Variants in CSMD1 observed in about 807,000 individuals in gnomAD.
CSMD1 encodes CUB and sushi domain-containing protein 1.
Under a neutral mutation model 417.5 loss-of-function variants are expected in CSMD1, and 213 were observed. That is an observed-to-expected ratio of 0.51 (90% CI 0.46 to 0.57). CSMD1 has a LOEUF of 0.57. Ranked by LOEUF, CSMD1 falls within the 20% of genes least tolerant of loss-of-function variation. The pLI is 0.00. For synonymous variants in CSMD1, 2,862 were observed against 1,736.8 expected (o/e 1.65, Z -16.11); for missense variants, 6,923 against 4,529.7 (o/e 1.53, Z -15.17).
At chr8:3,343,884 T>C (rs1341721685) in intron 22 of CSMD1, among the ~76,000 whole-genome samples, 1 of 152,202 alleles carries the variant, frequency 6.6e-6, no homozygotes, top group African/African-American at 2.4e-5. Flanking sequence ...TTCCTTTCTA[T>C]TCCCTTCTGT....
chr8:3,107,696 A>G (rs746390835), intron 45 of CSMD1, 22 bp downstream of exon 45: 2 of 1,380,726 alleles, frequency 1.4e-6, no homozygotes, highest in Non-Finnish European at 2.0e-6. Context: ...AATTCATGGT[A>G]TTGTAATGAA....
At chr8:4,512,833 C>T (rs1802898148) in intron 2 of CSMD1, among the ~76,000 whole-genome samples, 1 of 150,172 alleles carries the variant, frequency 6.7e-6, no homozygotes, top group Non-Finnish European at 1.5e-5. Context: ...AAAAAAAAAC[C>T]TCAGTACTGT....
intron 1 of CSMD1, among the ~76,000 whole-genome samples, chr8:4,804,631 G>C (rs1436399288): frequency 2.6e-5 from 4 of 152,028 alleles, no homozygotes; most frequent in Non-Finnish European, 5.9e-5. Flanking sequence ...ATAAAAGGCA[G>C]AGAGAGATAA....
Position 3,637,082 on chromosome 8 carries a change from C to G in CSMD1, c.1010-20285G>C, listed in dbSNP as rs529344224. ...ATCAGGATCCTCATGCTTGAACTTC[C>G]CAGACTCCAAAACTATAGAAAATAA... On this transcript the variant is annotated intron_variant, in intron 7 of 69. Coordinates refer to ENST00000635120, the MANE Select transcript of CSMD1 (RefSeq NM_033225.6). Among the ~76,000 whole-genome samples, 4 of 152,254 alleles carry G rather than the reference C, an allele frequency of 2.6e-5. No homozygotes were observed. In the East Asian group the frequency reaches 7.7e-4, roughly 29 times the overall value.
rs556847103 is a variant in CSMD1, at chr8:3,063,461, T to C, written c.7475-10814A>G. Among the ~76,000 whole-genome samples the C allele has an allele frequency of 1.9e-3, 296 of 152,262 alleles. 1 individual carries two copies. The highest frequency in any genetic ancestry group is 3.5e-3 in the Admixed American group (54 of 15,296). On this transcript the variant is annotated intron_variant, in intron 49 of 69. Transcript: ENST00000635120. Reference sequence around the variant, plus strand: ...TGGTGGTTCCTCAAAAAATTAAAAATAGAATTACCATATGATGCAGAAATT... The same window carrying C: ...TGGTGGTTCCTCAAAAAATTAAAAACAGAATTACCATATGATGCAGAAATT...
chr8:3,577,856 T>C (rs777337122), intron 9 of CSMD1, among the ~76,000 whole-genome samples: 1 of 152,206 alleles, frequency 6.6e-6, no homozygotes, highest in African/African-American at 2.4e-5. Flanking sequence ...GGTTTTCTAC[T>C]AGTCAGAATC....
intron 1 of CSMD1, among the ~76,000 whole-genome samples, chr8:4,756,058 C>G (rs535973188): frequency 6.6e-6 from 1 of 152,192 alleles, no homozygotes; most frequent in Non-Finnish European, 1.5e-5. Context: ...AAATCTCCAA[C>G]CTTTTTAAAA....
At chr8:3,851,814 G>C (rs1803928532) in intron 5 of CSMD1, among the ~76,000 whole-genome samples, 1 of 152,174 alleles carries the variant, frequency 6.6e-6, no homozygotes, top group Non-Finnish European at 1.5e-5. Context: ...GTGGTTCTAA[G>C]GATGAGAGAC....
At chr8:3,955,937 G>C (rs1244976498) in intron 5 of CSMD1, among the ~76,000 whole-genome samples, 6 of 152,140 alleles carry the variant, frequency 3.9e-5, no homozygotes, top group Non-Finnish European at 8.8e-5. Flanking sequence ...GGGATTACAG[G>C]CGCCCAACAC....
intron 10 of CSMD1, among the ~76,000 whole-genome samples, chr8:3,569,148 T>C (rs1479463100): frequency 6.6e-6 from 1 of 152,182 alleles, no homozygotes; most frequent in Non-Finnish European, 1.5e-5. Flanking sequence ...GCCTCTCCAC[T>C]AAAGGAATCT....
intron 8 of CSMD1, among the ~76,000 whole-genome samples, chr8:3,605,749 A>C (rs1320215286): frequency 6.6e-6 from 1 of 152,228 alleles, no homozygotes; most frequent in Non-Finnish European, 1.5e-5. Flanking sequence ...TACCAAGGAC[A>C]TACATTAACT....
intron 39 of CSMD1, among the ~76,000 whole-genome samples, chr8:3,151,877 C>T (rs770568057): frequency 1.3e-5 from 2 of 152,200 alleles, no homozygotes; most frequent in Non-Finnish European, 2.9e-5. Flanking sequence ...TGATTGATTG[C>T]TAACTATGTG....
At chr8:4,063,292 G>GA (rs1799076552) in intron 3 of CSMD1, among the ~76,000 whole-genome samples, 1 of 151,138 alleles carries the variant, frequency 6.6e-6, no homozygotes, top group South Asian at 2.1e-4. Flanking sequence ...AACCAAAAAA[G>GA]AAAAATTAGT....
chr8:3,941,658 C>G (rs145646807), intron 5 of CSMD1, among the ~76,000 whole-genome samples: 7 of 152,220 alleles, frequency 4.6e-5, no homozygotes, highest in South Asian at 4.1e-4. Flanking sequence ...TTTTCAACTG[C>G]AAGCCCACGC....
intron 2 of CSMD1, among the ~76,000 whole-genome samples, chr8:4,618,973 G>C (rs12675642): frequency 0.06 from 9,119 of 152,156 alleles, 444 homozygotes; most frequent in East Asian, 0.17. Context: ...CATAACAGAA[G>C]CTTCAGTAAT....
At position 4,680,909 on chromosome 8, in the gene CSMD1, GCA is replaced by G. The variant is rs140395393; in HGVS notation, c.86-43353_86-43352del. Reference sequence around the variant, plus strand: ...GATAGTTTTCAATGTGATATGATAAGCACACACACACACACACAAACCCCTAA... The same window carrying G: ...GATAGTTTTCAATGTGATATGATAAGCACACACACACACACAAACCCCTAA... On this transcript the variant is annotated intron_variant, in intron 1 of 69. Transcript: ENST00000635120. Among the ~76,000 whole-genome samples, 26 of 146,656 alleles carry G rather than the reference GCA, an allele frequency of 1.8e-4. No homozygotes were observed. The East Asian group carries it at 2.7e-3, about 15-fold the overall frequency.
chr8:3,236,071 C>T (rs942584305), intron 26 of CSMD1, among the ~76,000 whole-genome samples: 2 of 151,782 alleles, frequency 1.3e-5, no homozygotes, highest in African/African-American at 4.8e-5. Flanking sequence ...GCGCCTACCA[C>T]CACACCAGGC....
At chr8:3,550,855 T>C (rs1330466833) in intron 10 of CSMD1, among the ~76,000 whole-genome samples, 2 of 152,196 alleles carry the variant, frequency 1.3e-5, no homozygotes, top group Non-Finnish European at 1.5e-5. Flanking sequence ...ATAGGGTGTA[T>C]GCAATATGCA....
rs990217884 is a variant in CSMD1 at position 3,889,083 on chromosome 8, G to C, written c.818+108820C>G. ...TATGTTAACTATCTTTTTTCTGCTG[G>C]TGACCAATTCATTGGTTGCTGCAAG... is the stretch of plus-strand genomic sequence containing the variant. On this transcript the variant is annotated intron_variant, in intron 5 of 69. Coordinates refer to ENST00000635120, the MANE Select transcript of CSMD1 (RefSeq NM_033225.6). Among the ~76,000 whole-genome samples, 11 of 151,978 alleles carry C rather than the reference G, an allele frequency of 7.2e-5. No individual in the cohort carries two copies. The South Asian group carries it at 1.5e-3, about 20-fold the overall frequency.
Sources: gnomAD v4.1 joint callset for allele counts (sites outside exome capture counted in the v4.1 genomes callset) on GRCh38, gnomAD v4.1.1 for gene constraint, MANE v1.5 for transcripts, NCBI Gene and HGNC (gene_info 2026-07-23, HGNC 2026-07-21) for gene names.